Variants in CTNNA2 observed in about 807,000 individuals in gnomAD.
CTNNA2 encodes catenin alpha-2.
In CTNNA2, 42 loss-of-function variants were observed where a neutral mutation model predicts 101.0. The observed-to-expected ratio is 0.42, with a 90% CI of 0.32 to 0.54. CTNNA2 has a LOEUF of 0.54. CTNNA2 is among the 20% of genes least tolerant of loss of function. The pLI is 0.14. For missense variants in CTNNA2, 871 were observed against 1,223.1 expected (o/e 0.71, Z 4.29); for synonymous variants, 450 against 456.4 (o/e 0.99, Z 0.18).
chr2:80,000,166 AT>A (rs1211568916), intron 7 of CTNNA2, among the ~76,000 whole-genome samples: 2 of 152,162 alleles, frequency 1.3e-5, no homozygotes, highest in Admixed American at 1.3e-4. Flanking sequence ...AGTTTAAAGA[AT>A]TGGGTGTCCG....
chr2:79,758,352 AG>A (rs2105069643), intron 3 of CTNNA2, among the ~76,000 whole-genome samples: 1 of 152,366 alleles, frequency 6.6e-6, no homozygotes, highest in East Asian at 1.9e-4. Flanking sequence ...CAAACCAGGC[AG>A]TCTTCATTAA....
In CTNNA2 at chr2:79,341,802, C is replaced by T. The variant is rs537450559; in HGVS notation, c.-318+29006C>T. ...GTGTCACCTGGCTCTATTTATATAG[C>T]CCAGTGGGAATCAGGACTTGGGAAA... On this transcript the variant is annotated intron_variant, in intron 3 of 21. Transcript: ENST00000466387. 4.1e-4 allele frequency among the ~76,000 whole-genome samples: 62 copies of T among 152,276 alleles called. No homozygotes were observed. In the South Asian group the frequency reaches 0.013, roughly 32 times the overall value.
At chr2:79,616,081 A>G (rs1678597323) in intron 1 of CTNNA2, among the ~76,000 whole-genome samples, 1 of 152,110 alleles carries the variant, frequency 6.6e-6, no homozygotes, top group Non-Finnish European at 1.5e-5. Flanking sequence ...TGCAGGAGAG[A>G]TCTTATCTCT....
At chr2:79,592,857 T>G (rs1676950243) in intron 1 of CTNNA2, among the ~76,000 whole-genome samples, 1 of 152,214 alleles carries the variant, frequency 6.6e-6, no homozygotes, top group African/African-American at 2.4e-5. Flanking sequence ...CTTTCTGATT[T>G]GCAAGAAGAA....
chr2:79,918,590 A>G lies in CTNNA2; in HGVS notation c.1056+8793A>G, dbSNP rs80228330. ...AAAACAAAAACACCTTATCCTCTAA[A>G]AATTTCTAACCACAAGCCCATAATC... is the stretch of plus-strand genomic sequence containing the variant. On this transcript the variant is annotated intron_variant, in intron 7 of 18. Transcript: ENST00000402739. Among the ~76,000 whole-genome samples, 442 of 152,322 alleles carry G rather than the reference A, an allele frequency of 2.9e-3. 14 individuals carry two copies. The East Asian group carries it at 0.07, about 24-fold the overall frequency.
intron 9 of CTNNA2, among the ~76,000 whole-genome samples, chr2:80,540,596 CAA>C (rs201536941): frequency 6.8e-5 from 9 of 132,752 alleles, no homozygotes; most frequent in African/African-American, 1.4e-4. Context: ...GACTCCATCT[CAA>C]AAAAAAAAAA....
chr2:79,493,820 C>T (rs1671228133), intron 4 of CTNNA2: 5 of 152,222 alleles, frequency 3.3e-5, no homozygotes, highest in South Asian at 4.1e-4. Context: ...AGTTCTTGCT[C>T]TGATTCTTTC....
At chr2:80,320,101 G>A (rs1014170755) in intron 7 of CTNNA2, among the ~76,000 whole-genome samples, 1 of 152,164 alleles carries the variant, frequency 6.6e-6, no homozygotes, top group African/African-American at 2.4e-5. Context: ...AACAATAAAT[G>A]TAAAGTTACT....
intron 8 of CTNNA2, among the ~76,000 whole-genome samples, chr2:80,404,286 C>G (rs1678849114): frequency 6.6e-6 from 1 of 151,510 alleles, no homozygotes; most frequent in African/African-American, 2.4e-5. Flanking sequence ...ATTTTCTCTC[C>G]TTTGTTCTTT....
intron 3 of CTNNA2, among the ~76,000 whole-genome samples, chr2:79,338,259 T>A (rs1406417986): frequency 2.0e-5 from 1 of 50,164 alleles, no homozygotes. Flanking sequence ...AAAAAAAAAT[T>A]GGTAGTCAGG....
At chr2:79,447,935 A>G (rs771107527) in intron 4 of CTNNA2, among the ~76,000 whole-genome samples, 10 of 152,030 alleles carry the variant, frequency 6.6e-5, no homozygotes, top group Non-Finnish European at 1.2e-4. Context: ...TGTAAATAAT[A>G]CCAAATTATT....
chr2:79,410,701 C>T (rs1678399766), intron 4 of CTNNA2, among the ~76,000 whole-genome samples: 1 of 149,136 alleles, frequency 6.7e-6, no homozygotes, highest in Non-Finnish European at 1.5e-5. Flanking sequence ...ATTCGGTTTG[C>T]CAGTATTTTA....
intron 9 of CTNNA2, among the ~76,000 whole-genome samples, chr2:80,490,287 C>A (rs1391462033): frequency 1.1e-5 from 1 of 94,078 alleles, no homozygotes; most frequent in Non-Finnish European, 1.9e-5. Context: ...CCCACCCCCC[C>A]CCCGGTAAAG....
chr2:80,577,267 A>G (rs1695135005), intron 13 of CTNNA2, among the ~76,000 whole-genome samples: 1 of 152,182 alleles, frequency 6.6e-6, no homozygotes, highest in South Asian at 2.1e-4. Context: ...ACATTATGCC[A>G]CAGAGAAAAC....
intron 4 of CTNNA2, among the ~76,000 whole-genome samples, chr2:79,461,132 G>A (rs1421105203): frequency 1.3e-5 from 2 of 152,170 alleles, no homozygotes; most frequent in African/African-American, 4.8e-5. Flanking sequence ...GTGAGCCACG[G>A]TTCCTGGCCA....
Position 79,255,085 on chromosome 2 carries a change from C to T in CTNNA2, c.-406+57009C>T, listed in dbSNP as rs114816151. Among the ~76,000 whole-genome samples the T allele has an allele frequency of 3.5e-3, 528 of 152,220 alleles. 4 individuals are homozygous for T. Among genetic ancestry groups the T allele is most frequent in the African/African-American group, 0.012 (501 of 41,536 alleles). On this transcript the variant is annotated intron_variant, in intron 2 of 21. Coordinates refer to the CTNNA2 transcript ENST00000466387. ...CTTCCCAAGTGATTTAATGTGTAAC[C>T]GGTTTGGGAAATCTCTGTATTATAT... is the stretch of plus-strand genomic sequence containing the variant.
chr2:79,745,080 A>G (rs72931222), intron 3 of CTNNA2, among the ~76,000 whole-genome samples: 139 of 152,324 alleles, frequency 9.1e-4, no homozygotes, highest in African/African-American at 3.2e-3. Context: ...CTAGCTAGCT[A>G]TAATACTGTT....
intron 7 of CTNNA2, among the ~76,000 whole-genome samples, chr2:80,058,046 A>G (rs1697343225): frequency 6.6e-6 from 1 of 152,222 alleles, no homozygotes. Flanking sequence ...TTAAAGAAGA[A>G]AAGAATAAGT....
At chr2:79,199,902 G>A (rs17704290) in intron 2 of CTNNA2, among the ~76,000 whole-genome samples, 3,225 of 152,254 alleles carry the variant, frequency 0.021, 49 homozygotes, top group Non-Finnish European at 0.032. Context: ...TACCATAACG[G>A]AAATCTAATT....
Sources: allele counts gnomAD v4.1 joint callset (sites outside exome capture counted in the v4.1 genomes callset), GRCh38; gene constraint gnomAD v4.1.1; transcripts MANE v1.5; gene names NCBI Gene and HGNC (gene_info 2026-07-23, HGNC 2026-07-21).